The following SCIN variants were observed in gnomAD, a reference collection of about 807,000 sequenced individuals.
SCIN encodes the protein adseverin.
In SCIN, 91 loss-of-function variants were observed where a neutral mutation model predicts 91.8. The ratio of observed to expected loss-of-function variants is 0.99; its 90% confidence interval spans 0.84 to 1.18. The LOEUF (loss-of-function observed/expected upper bound fraction) is 1.18. Among genes scored for constraint, SCIN ranks in the 50% most tolerant of loss-of-function variants. The pLI, the probability that SCIN is intolerant of heterozygous loss-of-function variation, is 0.00. For missense variants in SCIN, 1,087 were observed against 863.9 expected, an observed-to-expected ratio of 1.26 and a Z score of -3.24; for synonymous variants, 367 against 312.6, an observed-to-expected ratio of 1.17 and a Z score of -1.84.
chr7:12,595,931 A>T (rs1035187581), intron 3 of SCIN: 4 of 160,742 alleles, frequency 2.5e-5, no homozygotes, highest in East Asian at 1.8e-4. Flanking sequence ...AGCAACCTCA[A>T]TTCTTACCTC....
At chr7:12,639,283 G>C (rs1365888728) in intron 10 of SCIN, among the ~76,000 whole-genome samples, 2 of 152,202 alleles carry the variant, frequency 1.3e-5, no homozygotes, top group African/African-American at 2.4e-5. Context: ...GTATTTGTGA[G>C]ACTATAACTG....
At chr7:12,637,564 CAAGT>C (rs1245971557) in intron 10 of SCIN, among the ~76,000 whole-genome samples, 4 of 144,786 alleles carry the variant, frequency 2.8e-5, no homozygotes, top group South Asian at 2.2e-4. Flanking sequence ...AGAAATGAGA[CAAGT>C]AAGGAGGAGA....
At chr7:12,638,509 C>G (rs1018348047) in intron 10 of SCIN, among the ~76,000 whole-genome samples, 5 of 152,210 alleles carry the variant, frequency 3.3e-5, no homozygotes, top group African/African-American at 4.8e-5. Flanking sequence ...ATGGTTGTGC[C>G]TGTTTAACTT....
At chr7:12,589,615 G>A (rs1782674946) in intron 3 of SCIN, 1 of 152,272 alleles carries the variant, frequency 6.6e-6, no homozygotes, top group East Asian at 1.9e-4. Flanking sequence ...AAGATACACA[G>A]GCCGCCTTTC....
rs1782382687 is a variant in SCIN at position 12,576,867 on chromosome 7, C to A, written c.200-1197C>A. On this transcript the variant is annotated intron_variant, in intron 1 of 15. Coordinates refer to ENST00000297029, the MANE Select transcript of SCIN (RefSeq NM_001112706.3). ...TGTAAAACATTGGCATAGTGTCTGG[C>A]CCATAGGGGTAGTATAAATGTATAA... Among the ~76,000 whole-genome samples the A allele has an allele frequency of 2.6e-5, 4 of 152,104 alleles. No individual in the cohort carries two copies. The South Asian group carries it at 6.2e-4, about 24-fold the overall frequency.
chr7:12,578,171 G>A lies in SCIN; in HGVS notation c.307G>A (p.Glu103Lys). The change falls in exon 2 of 16, where the codon GAG (glutamate) becomes AAG (lysine). Residue 103 changes from glutamate to lysine, a missense_variant. By Grantham distance (56) the Glu-to-Lys change is moderately conservative. Coordinates refer to ENST00000297029, the MANE Select transcript of SCIN (RefSeq NM_001112706.3). Reference sequence around the variant, plus strand: ...GCAGAATAGAGAACTTCAAGGATATGAGTCTAATGACTTTGTTAGCTATTT... The same window carrying A: ...GCAGAATAGAGAACTTCAAGGATATAAGTCTAATGACTTTGTTAGCTATTT... ...PVQNRELQGY[E>K]SNDFVSYFKG... The A allele has an allele frequency of 1.3e-6, 2 of 1,550,812 alleles. No individual in the cohort carries two copies. The highest frequency in any genetic ancestry group is 1.7e-6 in the Non-Finnish European group (2 of 1,146,448).
chr7:12,640,331 C>T lies in SCIN; in HGVS notation c.1411-16C>T, dbSNP rs566071104. The T allele has an allele frequency of 1.6e-5, 25 of 1,553,002 alleles. No homozygotes were observed. The African/African-American group carries it at 2.5e-4, about 16-fold the overall frequency. ...CTCTTAATTATATTTCTTTTATTCC[C>T]CCTCTCCCCCATCAGATCCGAGTCT... On this transcript the variant is annotated splice_polypyrimidine_tract_variant and intron_variant, in intron 10 of 15. Transcript: ENST00000297029.
intron 9 of SCIN, among the ~76,000 whole-genome samples, chr7:12,629,724 G>T (rs772967873): frequency 6.6e-6 from 1 of 152,126 alleles, no homozygotes; most frequent in Non-Finnish European, 1.5e-5. Flanking sequence ...ATATGCAACT[G>T]TGTTTTCATA....
intron 3 of SCIN, among the ~76,000 whole-genome samples, chr7:12,602,731 C>T (rs904264255): frequency 1.3e-5 from 2 of 152,170 alleles, no homozygotes; most frequent in African/African-American, 4.8e-5. Context: ...TTGCCCGACC[C>T]TGCAGGCAGT....
intron 11 of SCIN, among the ~76,000 whole-genome samples, chr7:12,642,948 C>A (rs1239525261): frequency 6.6e-6 from 1 of 152,118 alleles, no homozygotes; most frequent in Non-Finnish European, 1.5e-5. Context: ...TCATCCAGAA[C>A]CTTCTGTGCA....
chr7:12,632,846 G>A (rs1237297761), intron 9 of SCIN, among the ~76,000 whole-genome samples: 1 of 152,190 alleles, frequency 6.6e-6, no homozygotes, highest in East Asian at 1.9e-4. Context: ...TGGTCATTTA[G>A]CTTTCTTCTT....
chr7:12,593,149 G>C (rs1118999), intron 3 of SCIN, among the ~76,000 whole-genome samples: 133,575 of 152,220 alleles, frequency 0.88, 59,244 homozygotes, highest in East Asian at 1. Flanking sequence ...TGGGGACATG[G>C]CCCCGTCCAG....
At position 12,640,520 on chromosome 7, in the gene SCIN, A is replaced by G. The variant is rs1165687495; in HGVS notation, c.1581+3A>G. 6.2e-7 allele frequency: 1 copy of G among 1,605,484 alleles called. No individual in the cohort carries two copies. Among genetic ancestry groups the G allele is most frequent in the Middle Eastern group, 1.7e-4 (1 of 6,026 alleles). On this transcript the variant is annotated splice_donor_region_variant and intron_variant, in intron 11 of 15. Transcript: ENST00000297029. ...CATCTATCACCAGAATTGTGGAGGT[A>G]ATGTCATGCATTCCATAAAACATGC...
intron 10 of SCIN, 98 bp downstream of exon 10, chr7:12,636,233 A>G (rs1194683419): frequency 1.9e-5 from 15 of 782,388 alleles, no homozygotes; most frequent in East Asian, 2.8e-5. Flanking sequence ...GAAATTTGAC[A>G]TTTTCTTGAT....
chr7:12,592,550 T>C (rs1583284718), intron 3 of SCIN, among the ~76,000 whole-genome samples: 1 of 151,350 alleles, frequency 6.6e-6, no homozygotes, highest in South Asian at 2.1e-4. Flanking sequence ...AGGAAGTGGG[T>C]ACTGGGGAAA....
chr7:12,636,505 T>C (rs1351811348), intron 10 of SCIN, among the ~76,000 whole-genome samples: 1 of 152,196 alleles, frequency 6.6e-6, no homozygotes, highest in African/African-American at 2.4e-5. Flanking sequence ...GGTGTTCATG[T>C]CCTAATCCTC....
chr7:12,585,776 TC>T (rs1401929714), intron 3 of SCIN, among the ~76,000 whole-genome samples: 1 of 152,226 alleles, frequency 6.6e-6, no homozygotes, highest in African/African-American at 2.4e-5. Flanking sequence ...GTTGATACTG[TC>T]TTAGTACCCA....
chr7:12,581,451 A>T (rs1782486699), intron 3 of SCIN, among the ~76,000 whole-genome samples: 1 of 152,178 alleles, frequency 6.6e-6, no homozygotes, highest in Non-Finnish European at 1.5e-5. Flanking sequence ...CTACCATAGA[A>T]CAGAAATTGA....
At chr7:12,625,636 C>T (rs997042789) in intron 6 of SCIN, 126 bp from the exon 7 acceptor site, 3 of 735,700 alleles carry the variant, frequency 4.1e-6, no homozygotes, top group Non-Finnish European at 6.5e-6. Context: ...GCCAATTTTG[C>T]TATTCTTTCA....
Sources: gnomAD v4.1 joint callset for allele counts (sites outside exome capture counted in the v4.1 genomes callset) on GRCh38, gnomAD v4.1.1 for gene constraint, MANE v1.5 for transcripts, NCBI Gene and HGNC (gene_info 2026-07-23, HGNC 2026-07-21) for gene names.